Variants in GGT1 observed in about 807,000 individuals in gnomAD.
GGT1 encodes the protein gamma-glutamyltransferase 1.
In GGT1, 21 loss-of-function variants were observed where a neutral mutation model predicts 56.0. The observed-to-expected ratio is 0.38, with a 90% confidence interval of 0.27 to 0.54. GGT1 has a LOEUF of 0.54. Among genes scored for constraint, GGT1 ranks in the 20% least tolerant of loss-of-function variants. The pLI is 0.82. For synonymous variants in GGT1, 238 were observed against 342.6 expected (o/e 0.69, Z 3.37); for missense variants, 466 against 787.0 (o/e 0.59, Z 4.88).
chr22:24,589,874 TGGGGTCGACCG>T (rs1458600349), upstream of GGT1: 1 of 1,613,778 alleles, frequency 6.2e-7, no homozygotes, highest in African/African-American at 1.3e-5. Flanking sequence ...TCATGGGAGA[TGGGGTCGACCG>T]GGTTGAGGAA....
At chr22:24,609,812 A>C in intron 2 of GGT1, 153 bp from the exon 3 acceptor site, 2 of 351,322 alleles carry the variant, frequency 5.7e-6, no homozygotes, top group Non-Finnish European at 1.2e-5. Flanking sequence ...ACAGCCTGGA[A>C]GGGAGTCCAC....
chr22:24,596,628 G>A lies in GGT1; in HGVS notation c.-324+1742G>A, dbSNP rs898701873. On this transcript the variant is annotated intron_variant, in intron 1 of 6. Coordinates refer to the GGT1 transcript ENST00000411974. The stretch of plus-strand genomic sequence containing the variant: ...TGTAATAACGCTAGTGCCTGGGTGC[G>A]GTGGCTCACGCCTGTAATCCCAGCA... 2.6e-5 allele frequency among the ~76,000 whole-genome samples: 4 copies of A among 151,912 alleles called. No individual in the cohort carries two copies. The East Asian group carries it at 5.8e-4, about 22-fold the overall frequency.
intron 1 of GGT1, among the ~76,000 whole-genome samples, chr22:24,606,694 G>A (rs539922613): frequency 1.3e-5 from 2 of 152,276 alleles, no homozygotes; most frequent in South Asian, 2.1e-4. Flanking sequence ...TGTCTGGTGG[G>A]TTCTGTCCAG....
the GGT1 span, chr22:24,588,619 C>A: frequency 1.9e-6 from 2 of 1,061,872 alleles, no homozygotes; most frequent in South Asian, 2.2e-5. Context: ...GGGCCCAGGG[C>A]CAGCGTCTCG....
rs1361150843 is a variant in GGT1 at position 24,605,909 on chromosome 22, T to A, written c.-428-2045T>A. Among the ~76,000 whole-genome samples the A allele has an allele frequency of 7.3e-5, 6 of 81,684 alleles. No homozygotes were observed. The South Asian group carries it at 1.9e-3, about 26-fold the overall frequency. 53.6% of individuals were successfully genotyped at this position (81,684 alleles called of 152,430 possible). A position where few individuals can be genotyped will look rare whatever the true frequency, so the allele number is the denominator to read the frequency against. On this transcript the variant is annotated intron_variant, in intron 1 of 15. Coordinates refer to ENST00000400382, the MANE Select transcript of GGT1 (RefSeq NM_001288833.2). ...GATGTGTATTATATATTATATAATA[T>A]TATATGATGTGTATTATATATTATA...
chr22:24,589,052 C>T, the GGT1 span: 1 of 1,025,876 alleles, frequency 9.7e-7, no homozygotes, highest in Non-Finnish European at 1.2e-6. Flanking sequence ...CCTGTGATGG[C>T]CGTGGGCTAG....
At chr22:24,596,914 CAAAAAAAAAAAA>C (rs78452000) in intron 1 of GGT1, among the ~76,000 whole-genome samples, 1 of 63,026 alleles carries the variant, frequency 1.6e-5, no homozygotes, top group African/African-American at 6.1e-5. Context: ...GACTCTGTCT[CAAAAAAAAAAAA>C]AAAAAAAAAA....
At chr22:24,594,391 ATGTGTGTGTGTG>A (rs61535476), upstream of GGT1, among the ~76,000 whole-genome samples, 3 of 142,208 alleles carry the variant, frequency 2.1e-5, no homozygotes, top group African/African-American at 8.4e-5. Context: ...ACCCGTGTGT[ATGTGTGTGTGTG>A]TGTGTGTGTG....
the GGT1 span, chr22:24,588,165 G>A: frequency 7.0e-7 from 1 of 1,431,208 alleles, no homozygotes; most frequent in Non-Finnish European, 9.8e-7. Flanking sequence ...AACCTGAGAA[G>A]GGACCTTGGA....
At chr22:24,626,224 C>G (rs1031784574) in intron 11 of GGT1, among the ~76,000 whole-genome samples, 13 of 148,890 alleles carry the variant, frequency 8.7e-5, no homozygotes, top group African/African-American at 2.8e-4. Flanking sequence ...GATCTCCTGA[C>G]GTCGTGATCC....
the GGT1 span, chr22:24,586,548 TG>T: frequency 9.8e-7 from 1 of 1,020,518 alleles, no homozygotes; most frequent in Admixed American, 2.4e-5. Context: ...TCGTATTTTT[TG>T]AGACAAAGTT....
rs1569055113 is a variant in GGT1, at chr22:24,611,597, TCTA to T, written c.164+356_164+358del. 5.4e-5 allele frequency among the ~76,000 whole-genome samples: 8 copies of T among 147,990 alleles called. No individual in the cohort carries two copies. The South Asian group carries it at 8.6e-4, about 16-fold the overall frequency. ...ATCTATCTATCTATCTATCTATCTA[TCTA>T]CTATCTATCTATCTATTTATTTAGA... On this transcript the variant is annotated intron_variant, in intron 5 of 15. Coordinates refer to ENST00000400382, the MANE Select transcript of GGT1 (RefSeq NM_001288833.2).
intron 11 of GGT1, among the ~76,000 whole-genome samples, chr22:24,625,272 T>C (rs903069365): frequency 6.6e-6 from 1 of 152,138 alleles, no homozygotes; most frequent in Non-Finnish European, 1.5e-5. Flanking sequence ...CTTGGCTGTT[T>C]TGTTTTTGTT....
chr22:24,593,092 C>T, upstream of GGT1: 2 of 1,034,534 alleles, frequency 1.9e-6, no homozygotes, highest in Non-Finnish European at 2.3e-6. Flanking sequence ...GTCTGCGCCC[C>T]GCTCCCGGGG....
chr22:24,618,730 G>C (rs1037579606), intron 7 of GGT1, among the ~76,000 whole-genome samples: 4 of 152,230 alleles, frequency 2.6e-5, no homozygotes, highest in African/African-American at 7.2e-5. Flanking sequence ...CCAGCTCTTG[G>C]AAACTTGTGC....
chr22:24,593,011 C>T, upstream of GGT1: 1 of 1,092,486 alleles, frequency 9.2e-7, no homozygotes, highest in Non-Finnish European at 1.1e-6. Flanking sequence ...AGCCTCGGGC[C>T]CGGCCCGCCG....
At chr22:24,619,205 C>T (rs2147434014) in intron 7 of GGT1, among the ~76,000 whole-genome samples, 1 of 152,278 alleles carries the variant, frequency 6.6e-6, no homozygotes, top group Non-Finnish European at 1.5e-5. Flanking sequence ...CAAGACCAGC[C>T]TGACCAACCT....
chr22:24,617,078 A>G (rs2047118041), intron 7 of GGT1, among the ~76,000 whole-genome samples: 1 of 152,212 alleles, frequency 6.6e-6, no homozygotes, highest in Admixed American at 6.5e-5. Context: ...GGGAGGAGAA[A>G]CTAGGCAGGT....
intron 7 of GGT1, 87 bp downstream of exon 7, chr22:24,615,214 C>T (rs1198510029): frequency 3.6e-5 from 32 of 898,296 alleles, no homozygotes; most frequent in Admixed American, 8.2e-5. Context: ...CTGCTCCCGT[C>T]AGGGTTCAGG....
Sources: allele counts gnomAD v4.1 joint callset (sites outside exome capture counted in the v4.1 genomes callset), GRCh38; gene constraint gnomAD v4.1.1; transcripts MANE v1.5; gene names NCBI Gene and HGNC (gene_info 2026-07-23, HGNC 2026-07-21).